The following CNTNAP2 variants were observed in gnomAD, a reference collection of about 807,000 sequenced individuals.
CNTNAP2 encodes the protein contactin-associated protein-like 2.
CNTNAP2 carries 98 observed loss-of-function variants against 155.2 expected under a neutral mutation model. That is an observed-to-expected ratio of 0.63 (90% CI 0.54 to 0.75). CNTNAP2 has a LOEUF of 0.75. Among genes scored for constraint, CNTNAP2 ranks in the 30% least tolerant of loss-of-function variants. CNTNAP2 has a pLI of 0.00. For missense variants in CNTNAP2, 1,727 were observed against 1,688.1 expected (o/e 1.02, Z -0.40); for synonymous variants, 651 against 631.2 (o/e 1.03, Z -0.47).
chr7:146,782,329 C>G (rs1802505878), intron 2 of CNTNAP2: 1 of 152,146 alleles, frequency 6.6e-6, no homozygotes, highest in Non-Finnish European at 1.5e-5. Flanking sequence ...CCTAATGGGG[C>G]ATTTCAGGAT....
intron 1 of CNTNAP2, among the ~76,000 whole-genome samples, chr7:146,368,715 T>G (rs151048564): frequency 1.4e-4 from 22 of 152,178 alleles, no homozygotes; most frequent in African/African-American, 4.1e-4. Flanking sequence ...CAAAGTCATT[T>G]CCTATCCCCA....
chr7:148,320,006 AG>A (rs1294075025), intron 21 of CNTNAP2, among the ~76,000 whole-genome samples: 1 of 152,164 alleles, frequency 6.6e-6, no homozygotes, highest in Non-Finnish European at 1.5e-5. Context: ...CCACTCTGCT[AG>A]GTAGAACTGC....
intron 3 of CNTNAP2, among the ~76,000 whole-genome samples, chr7:147,028,083 T>A (rs375751168): frequency 1.3e-5 from 2 of 152,000 alleles, no homozygotes; most frequent in African/African-American, 4.8e-5. Flanking sequence ...TAGAAGGAGG[T>A]TGAGTTGAAA....
At chr7:147,430,137 A>G (rs889985715) in intron 10 of CNTNAP2, among the ~76,000 whole-genome samples, 12 of 152,234 alleles carry the variant, frequency 7.9e-5, no homozygotes, top group African/African-American at 2.9e-4. Context: ...TGTCAGAAAC[A>G]TGAATCTATT....
At chr7:146,949,196 T>A (rs1024761249) in intron 3 of CNTNAP2, among the ~76,000 whole-genome samples, 3 of 152,058 alleles carry the variant, frequency 2.0e-5, no homozygotes, top group Admixed American at 2.0e-4. Context: ...TCAAAGCATA[T>A]ATAAAGCCTA....
At chr7:147,287,348 C>T (rs1805203249) in intron 8 of CNTNAP2, among the ~76,000 whole-genome samples, 1 of 151,906 alleles carries the variant, frequency 6.6e-6, no homozygotes, top group East Asian at 1.9e-4. Context: ...AAAATCAGAG[C>T]AGGGGGAGTA....
At chr7:146,554,259 C>T (rs1372608408) in intron 1 of CNTNAP2, among the ~76,000 whole-genome samples, 1 of 152,122 alleles carries the variant, frequency 6.6e-6, no homozygotes, top group East Asian at 1.9e-4. Flanking sequence ...TAAAAAAATA[C>T]TCATTTTTAT....
At chr7:147,506,542 A>G (rs899318722) in intron 11 of CNTNAP2, among the ~76,000 whole-genome samples, 1 of 152,196 alleles carries the variant, frequency 6.6e-6, no homozygotes, top group African/African-American at 2.4e-5. Context: ...GGCGTGAGCC[A>G]CCACGCCTGG....
chr7:147,369,569 C>T (rs1460386754), intron 9 of CNTNAP2, among the ~76,000 whole-genome samples: 4 of 152,168 alleles, frequency 2.6e-5, no homozygotes, highest in African/African-American at 9.7e-5. Flanking sequence ...CCATAAAGGG[C>T]CTAATAAATA....
At chr7:147,464,535 T>C (rs998780968) in intron 10 of CNTNAP2, among the ~76,000 whole-genome samples, 1 of 151,370 alleles carries the variant, frequency 6.6e-6, no homozygotes, top group Non-Finnish European at 1.5e-5. Context: ...AAATGTGCTA[T>C]GTGACCTTGA....
rs1405266642 is a variant in CNTNAP2 at position 147,855,950 on chromosome 7, C to T, written c.2099-47615C>T. Among the ~76,000 whole-genome samples the T allele has an allele frequency of 1.2e-4, 18 of 152,234 alleles. No individual in the cohort carries two copies. In the East Asian group the frequency reaches 3.5e-3, roughly 29 times the overall value. ...TTCCACATGGACTATGAAGGACCCA[C>T]AGAAGTGAAACTGTGTCCCCAGTCT... On this transcript the variant is annotated intron_variant, in intron 13 of 23. Transcript: ENST00000361727.
chr7:147,593,055 A>C (rs1800768885), intron 12 of CNTNAP2, among the ~76,000 whole-genome samples: 1 of 152,184 alleles, frequency 6.6e-6, no homozygotes, highest in Admixed American at 6.6e-5. Flanking sequence ...CATTACCTAA[A>C]TATTTTTATC....
At chr7:147,709,318 C>G (rs577466390) in intron 13 of CNTNAP2, among the ~76,000 whole-genome samples, 1 of 152,266 alleles carries the variant, frequency 6.6e-6, no homozygotes, top group South Asian at 2.1e-4. Context: ...TGCCCAATCC[C>G]GCATCTTACT....
chr7:146,767,125 G>C (rs1004152347), intron 1 of CNTNAP2, among the ~76,000 whole-genome samples: 1 of 152,036 alleles, frequency 6.6e-6, no homozygotes, highest in Non-Finnish European at 1.5e-5. Flanking sequence ...CCTTCTGTTT[G>C]ATAAGTTCTT....
chr7:147,094,796 T>C (rs1800492193), intron 4 of CNTNAP2, among the ~76,000 whole-genome samples: 1 of 152,142 alleles, frequency 6.6e-6, no homozygotes, highest in Non-Finnish European at 1.5e-5. Flanking sequence ...TCTACTTGAG[T>C]AGCAATTTTC....
intron 1 of CNTNAP2, among the ~76,000 whole-genome samples, chr7:146,207,353 G>A (rs1798962466): frequency 6.6e-6 from 1 of 151,824 alleles, no homozygotes; most frequent in Admixed American, 6.6e-5. Context: ...TGGAGACTTG[G>A]TTTTCTTTAA....
At chr7:146,488,903 G>C (rs1335260311) in intron 1 of CNTNAP2, among the ~76,000 whole-genome samples, 1 of 152,076 alleles carries the variant, frequency 6.6e-6, no homozygotes, top group Non-Finnish European at 1.5e-5. Flanking sequence ...TACGGGTGTG[G>C]GCCACCACGC....
chr7:146,500,969 A>T lies in CNTNAP2; in HGVS notation c.98-273302A>T, dbSNP rs575169496. The stretch of plus-strand genomic sequence containing the variant: ...TGCCAAAATTTTTTTCAATCTATTG[A>T]GATGGTCTTGAGGAATTTTTTTCTT... On this transcript the variant is annotated intron_variant, in intron 1 of 23. Coordinates refer to ENST00000361727, the MANE Select transcript of CNTNAP2 (RefSeq NM_014141.6). Among the ~76,000 whole-genome samples the T allele has an allele frequency of 4.6e-5, 7 of 152,122 alleles. No individual in the cohort carries two copies. The South Asian group carries it at 1.5e-3, about 32-fold the overall frequency.
At chr7:146,436,853 A>G (rs867809537) in intron 1 of CNTNAP2, among the ~76,000 whole-genome samples, 1 of 151,686 alleles carries the variant, frequency 6.6e-6, no homozygotes, top group Non-Finnish European at 1.5e-5. Flanking sequence ...AAAACTGAGA[A>G]GAGGCTAAGT....
Sources: gnomAD v4.1 joint callset for allele counts (sites outside exome capture counted in the v4.1 genomes callset) on GRCh38, gnomAD v4.1.1 for gene constraint, MANE v1.5 for transcripts, NCBI Gene and HGNC (gene_info 2026-07-23, HGNC 2026-07-21) for gene names.